FCHO2: variants seen among roughly 807,000 people sequenced by gnomAD.
The protein encoded by FCHO2 is F-BAR domain only protein 2.
A neutral mutation model predicts 114.1 loss-of-function variants in FCHO2; 43 were observed. The ratio of observed to expected loss-of-function variants is 0.38; its 90% CI spans 0.30 to 0.49. The LOEUF (loss-of-function observed/expected upper bound fraction) is 0.49. Ranked by LOEUF, FCHO2 falls within the 20% of genes least tolerant of loss-of-function variation. The pLI, the probability that FCHO2 is intolerant of heterozygous loss-of-function variation, is 0.97. For synonymous variants in FCHO2, 293 were observed against 315.2 expected (o/e 0.93, Z 0.75); for missense variants, 807 against 950.4 (o/e 0.85, Z 1.98).
intron 24 of FCHO2, among the ~76,000 whole-genome samples, chr5:73,084,390 C>T (rs991100358): frequency 8.5e-5 from 13 of 152,056 alleles, no homozygotes; most frequent in African/African-American, 2.9e-4. Flanking sequence ...CTCAGCCTCC[C>T]GAGTAGCTGG....
At chr5:72,961,678 T>C (rs1751878866) in intron 1 of FCHO2, among the ~76,000 whole-genome samples, 1 of 151,964 alleles carries the variant, frequency 6.6e-6, no homozygotes, top group Admixed American at 6.6e-5. Flanking sequence ...CGCTGCAACC[T>C]CTGCCTCCCA....
intron 1 of FCHO2, among the ~76,000 whole-genome samples, chr5:72,962,422 AAGT>A (rs1330950895): frequency 6.6e-6 from 1 of 152,180 alleles, no homozygotes; most frequent in Non-Finnish European, 1.5e-5. Context: ...AGCCCTTTGA[AAGT>A]AGTTTTTTGA....
At chr5:73,033,939 T>C (rs1341339241) in intron 8 of FCHO2, among the ~76,000 whole-genome samples, 1 of 152,188 alleles carries the variant, frequency 6.6e-6, no homozygotes, top group Non-Finnish European at 1.5e-5. Flanking sequence ...TTCTACAATC[T>C]ATCTCTCATA....
chr5:73,001,904 T>TC, intron 5 of FCHO2, among the ~76,000 whole-genome samples: 1 of 144,562 alleles, frequency 6.9e-6, no homozygotes, highest in African/African-American at 2.6e-5. Context: ...ATACCCTGTC[T>TC]CAAAAAAAAA....
At chr5:72,994,230 C>T (rs1400316035) in intron 5 of FCHO2, among the ~76,000 whole-genome samples, 1 of 152,164 alleles carries the variant, frequency 6.6e-6, no homozygotes, top group African/African-American at 2.4e-5. Flanking sequence ...TGTTTGCAAA[C>T]TATGCATCTG....
intron 15 of FCHO2, 35 bp from the exon 16 acceptor site, chr5:73,056,030 A>C (rs1305918762): frequency 3.7e-6 from 5 of 1,336,674 alleles, no homozygotes; most frequent in Non-Finnish European, 5.1e-6. Context: ...TATTTCTCAG[A>C]TTATGAAGTT....
chr5:72,979,063 A>T (rs954644704), intron 2 of FCHO2, among the ~76,000 whole-genome samples: 11 of 152,084 alleles, frequency 7.2e-5, no homozygotes, highest in African/African-American at 2.2e-4. Flanking sequence ...TATTGGCCTG[A>T]AATTTTCTTT....
At chr5:72,979,036 C>G (rs1257644872) in intron 2 of FCHO2, among the ~76,000 whole-genome samples, 1 of 152,078 alleles carries the variant, frequency 6.6e-6, no homozygotes, top group Non-Finnish European at 1.5e-5. Flanking sequence ...GATTTTCGCA[C>G]TGATGTTCAT....
chr5:72,961,353 G>T (rs2548331), intron 1 of FCHO2, among the ~76,000 whole-genome samples: 58,333 of 151,906 alleles, frequency 0.38, 12,789 homozygotes, highest in Non-Finnish European at 0.48. Flanking sequence ...TTGAAACCCA[G>T]AATAAAGGCT....
intron 2 of FCHO2, among the ~76,000 whole-genome samples, chr5:72,985,381 C>G (rs1200384551): frequency 6.6e-6 from 1 of 151,978 alleles, no homozygotes; most frequent in East Asian, 1.9e-4. Flanking sequence ...AGGCTGATCT[C>G]GGACTCCTGA....
chr5:72,962,673 C>G (rs1157949440), intron 1 of FCHO2, among the ~76,000 whole-genome samples: 1 of 151,896 alleles, frequency 6.6e-6, no homozygotes, highest in East Asian at 1.9e-4. Context: ...GGTGGGCGGA[C>G]CATGAGGTCA....
Position 73,082,840 on chromosome 5 carries a change from C to A in FCHO2, c.2245+15C>A. ...AGAAAATGGAGGTAAGTGTGTGTGT[C>A]CTTTTTTATTTATAAAATGATGTCA... On this transcript the variant is annotated intron_variant, in intron 24 of 25. Transcript: ENST00000430046. 6.4e-7 allele frequency: 1 copy of A among 1,555,520 alleles called. No homozygotes were observed. Among genetic ancestry groups the A allele is most frequent in the Non-Finnish European group, 8.7e-7 (1 of 1,154,674 alleles).
Position 72,998,526 on chromosome 5 carries a change from C to T in FCHO2, c.495+7662C>T, listed in dbSNP as rs768418398. On this transcript the variant is annotated intron_variant, in intron 5 of 25. Transcript: ENST00000430046. ...AAATGTAAGTCACAGGAGCAGTTTA[C>T]TCTTGGTAGATACTATAACATTCAT... Among the ~76,000 whole-genome samples, 202 of 151,886 alleles carry T rather than the reference C, an allele frequency of 1.3e-3. 1 individual carries two copies. The highest frequency in any genetic ancestry group is 1.7e-3 in the Non-Finnish European group (117 of 67,930).
chr5:72,956,960 G>A (rs1303430709), intron 1 of FCHO2, among the ~76,000 whole-genome samples: 1 of 152,010 alleles, frequency 6.6e-6, no homozygotes, highest in African/African-American at 2.4e-5. Flanking sequence ...GTTTACTCAG[G>A]TATCTTTCGT....
intron 5 of FCHO2, among the ~76,000 whole-genome samples, chr5:73,001,076 G>T (rs1754406976): frequency 6.6e-6 from 1 of 152,028 alleles, no homozygotes; most frequent in Non-Finnish European, 1.5e-5. Context: ...TGTTTCTTAT[G>T]AAAGATGTTT....
chr5:72,978,714 T>C (rs753335102), intron 2 of FCHO2, among the ~76,000 whole-genome samples: 11 of 152,216 alleles, frequency 7.2e-5, no homozygotes, highest in Non-Finnish European at 1.5e-4. Context: ...CTTCCAGTTA[T>C]TGCCCATTCA....
chr5:73,007,388 A>G (rs944762990), intron 6 of FCHO2, among the ~76,000 whole-genome samples: 1 of 152,140 alleles, frequency 6.6e-6, no homozygotes, highest in African/African-American at 2.4e-5. Context: ...TCTTTTACCT[A>G]TATTTTTTGT....
At chr5:73,038,308 G>A (rs1015583867) in intron 10 of FCHO2, among the ~76,000 whole-genome samples, 12 of 152,074 alleles carry the variant, frequency 7.9e-5, no homozygotes, top group African/African-American at 2.4e-4. Flanking sequence ...GTTTTAAGCA[G>A]CCCCTTTGAT....
At chr5:72,960,543 T>C (rs1029773116) in intron 1 of FCHO2, among the ~76,000 whole-genome samples, 2 of 152,152 alleles carry the variant, frequency 1.3e-5, no homozygotes, top group African/African-American at 2.4e-5. Flanking sequence ...TAAAAAGATA[T>C]TATAAAAGAT....
Sources: allele counts gnomAD v4.1 joint callset (sites outside exome capture counted in the v4.1 genomes callset), GRCh38; gene constraint gnomAD v4.1.1; transcripts MANE v1.5; gene names NCBI Gene and HGNC (gene_info 2026-07-23, HGNC 2026-07-21).